CD33: variants seen among roughly 807,000 people sequenced by gnomAD.
CD33 encodes the protein myeloid cell surface antigen CD33.
CD33 carries 25 observed loss-of-function variants against 31.4 expected under a neutral mutation model. The ratio of observed to expected loss-of-function variants is 0.80; its 90% CI spans 0.58 to 1.11. The LOEUF is 1.11. Ranked by LOEUF, CD33 falls within the 50% of genes most tolerant of loss-of-function variation. CD33 has a pLI of 0.00. For missense variants in CD33, 407 were observed against 448.1 expected (o/e 0.91, Z 0.83); for synonymous variants, 176 against 180.6 (o/e 0.97, Z 0.20).
chr19:51,215,317 G>C, the CD33 span, among the ~76,000 whole-genome samples: 1 of 152,128 alleles, frequency 6.6e-6, no homozygotes, highest in Non-Finnish European at 1.5e-5. Flanking sequence ...CAAATGCCAG[G>C]GTGGAGAGGT....
intron 6 of CD33, chr19:51,236,034 T>G (rs1981779727): frequency 3.6e-6 from 2 of 556,244 alleles, no homozygotes; most frequent in Admixed American, 5.6e-5. Flanking sequence ...GGCTGGCGCC[T>G]GTAGTCCCAG....
intron 2 of CD33, 102 bp downstream of exon 2, chr19:51,225,700 C>T (rs1599866331): frequency 1.3e-6 from 2 of 1,538,072 alleles, no homozygotes; most frequent in African/African-American, 1.4e-5. Context: ...AGGGGTAAAG[C>T]CTGTCGTGCT....
chr19:51,212,069 C>A, the CD33 span: 1 of 744,536 alleles, frequency 1.3e-6, no homozygotes. Context: ...TCAGTGTCTC[C>A]TGTGAGTGCT....
At chr19:51,226,833 A>C (rs779566379) in intron 4 of CD33, among the ~76,000 whole-genome samples, 3 of 151,588 alleles carry the variant, frequency 2.0e-5, no homozygotes, top group Admixed American at 6.6e-5. Flanking sequence ...TCCAGGTGTA[A>C]TCTAGTATCC....
Position 51,225,552 on chromosome 19 carries a change from T to C in CD33, c.372T>C (p.Ser124=), listed in dbSNP as rs1226578290. The C allele has an allele frequency of 1.3e-6, 2 of 1,584,142 alleles. No individual in the cohort carries two copies. Reference sequence around the variant, plus strand: ...ACTTCTTTCGGATGGAGAGAGGAAGTACCAAATACAGTTACAAATCTCCCC... The same window carrying C: ...ACTTCTTTCGGATGGAGAGAGGAAGCACCAAATACAGTTACAAATCTCCCC... The part of the protein sequence containing the change: ...GSYFFRMERG[S]TKYSYKSPQL... Residue 124 remains serine (S), a synonymous_variant, in exon 2 of 7, where the codon AGT becomes AGC. Coordinates refer to ENST00000262262, the MANE Select transcript of CD33 (RefSeq NM_001772.4).
the CD33 span, among the ~76,000 whole-genome samples, chr19:51,217,302 T>C: frequency 1.3e-5 from 2 of 152,144 alleles, no homozygotes; most frequent in Non-Finnish European, 2.9e-5. Context: ...ATGGATATAG[T>C]CATTGAGGGG....
chr19:51,224,121 A>G (rs1980821347), upstream of CD33, among the ~76,000 whole-genome samples: 1 of 152,148 alleles, frequency 6.6e-6, no homozygotes, highest in African/African-American at 2.4e-5. Context: ...TCAGAGGCAC[A>G]CTCTCTTACA....
chr19:51,220,624 A>G (rs1980642500), upstream of CD33, among the ~76,000 whole-genome samples: 1 of 152,194 alleles, frequency 6.6e-6, no homozygotes, highest in Non-Finnish European at 1.5e-5. Context: ...ACTGGTCAAG[A>G]TCATTAATTT....
chr19:51,229,322 A>G (rs924051843), intron 4 of CD33, among the ~76,000 whole-genome samples: 5 of 152,084 alleles, frequency 3.3e-5, no homozygotes, highest in African/African-American at 1.2e-4. Context: ...TTTTGCATCT[A>G]TGTTCATCAG....
At position 51,234,539 on chromosome 19, in the gene CD33, G is replaced by A. The variant is rs138585047; in HGVS notation, c.746-618G>A. On this transcript the variant is annotated intron_variant, in intron 4 of 6. Coordinates refer to ENST00000262262, the MANE Select transcript of CD33 (RefSeq NM_001772.4). Reference sequence around the variant, plus strand: ...AATAATGGCATCTGGCACCTCAGTGGACAGTGAGCCCAGTGAGAGCAGGAA... The same window carrying A: ...AATAATGGCATCTGGCACCTCAGTGAACAGTGAGCCCAGTGAGAGCAGGAA... Among the ~76,000 whole-genome samples, 714 of 152,222 alleles carry A rather than the reference G, an allele frequency of 4.7e-3. 2 individuals carry two copies. Among genetic ancestry groups the A allele is most frequent in the Non-Finnish European group, 6.5e-3 (439 of 68,012 alleles).
chr19:51,222,834 C>A (rs574815459), upstream of CD33, among the ~76,000 whole-genome samples: 1 of 152,238 alleles, frequency 6.6e-6, no homozygotes, highest in South Asian at 2.1e-4. Context: ...TAAATTATAC[C>A]TAATTAAATT....
rs1980899385 is a variant in CD33 at position 51,225,199 on chromosome 19, G to A, written c.38-19G>A. On this transcript the variant is annotated intron_variant, in intron 1 of 6. Transcript: ENST00000262262. ...AGGGGTTGTCGGGCTGGGCCGAGCT[G>A]ACCCTCGTTTCCCCACAGGGGCCCT... The A allele has an allele frequency of 1.2e-6, 2 of 1,613,294 alleles. No individual in the cohort carries two copies. Among genetic ancestry groups the A allele is most frequent in the Non-Finnish European group, 1.7e-6 (2 of 1,179,548 alleles).
the CD33 span, among the ~76,000 whole-genome samples, chr19:51,213,865 C>CTT: frequency 8.9e-5 from 10 of 112,708 alleles, no homozygotes; most frequent in Admixed American, 5.7e-4. Flanking sequence ...TTTTTTTTTC[C>CTT]TTTTTTTTTT....
rs757876553 is a variant in CD33 at position 51,225,864 on chromosome 19, C to T, written c.480C>T (p.Asn160=). 7 of 1,614,122 alleles carry T rather than the reference C, an allele frequency of 4.3e-6. No homozygotes were observed. The highest frequency in any genetic ancestry group is 5.9e-6 in the Non-Finnish European group (7 of 1,180,016). ...CTCTAGAACCCGGCCACTCCAAAAA[C>T]CTGACCTGCTCTGTGTCCTGGGCCT... ...PGTLEPGHSK[N]LTCSVSWACE... is the part of the protein sequence containing the mutation. Residue 160 remains asparagine, a synonymous_variant, in exon 3 of 7, where the codon AAC becomes AAT. Transcript: ENST00000262262.
upstream of CD33, among the ~76,000 whole-genome samples, chr19:51,221,620 C>T (rs1050631427): frequency 3.9e-5 from 6 of 152,138 alleles, no homozygotes; most frequent in Admixed American, 3.9e-4. Flanking sequence ...TGAACACTTA[C>T]CATAGGACCA....
chr19:51,225,388 G>C lies in CD33; in HGVS notation c.208G>C (p.Asp70His). Residue 70 changes from aspartate to histidine, a missense_variant, in exon 2 of 7, where the codon GAC becomes CAC. Asp to His is a moderately conservative substitution (Grantham distance 81, BLOSUM62 -1). Transcript: ENST00000262262. ...CCGGGAAGGAGCCATTATATCCAGGGACTCTCCAGTGGCCACAAACAAGCT... is the reference window on the plus strand; with the variant it reads ...CCGGGAAGGAGCCATTATATCCAGGCACTCTCCAGTGGCCACAAACAAGCT... ...WFREGAIISR[D>H]SPVATNKLDQ... The C allele has an allele frequency of 6.2e-7, 1 of 1,614,182 alleles. No homozygotes were observed. Among genetic ancestry groups the C allele is most frequent in the South Asian group, 1.1e-5 (1 of 91,084 alleles).
At chr19:51,235,854 G>A (rs2123304081) in intron 6 of CD33, 178 bp downstream of exon 6, 2 of 718,788 alleles carry the variant, frequency 2.8e-6, no homozygotes, top group Non-Finnish European at 5.1e-6. Context: ...AGGAGATGAT[G>A]GCCATTGAAA....
rs757860754 is a variant in CD33, at chr19:51,226,050, T to G, written c.666T>G (p.Thr222=). 27 of 1,613,954 alleles carry G rather than the reference T, an allele frequency of 1.7e-5. No individual in the cohort carries two copies. In the East Asian group the frequency reaches 2.0e-4, roughly 12 times the overall value. ...CQVKFAGAGV[T]TERTIQLNVT... is the part of the protein sequence containing the mutation. ...TGAAGTTCGCTGGAGCTGGTGTGAC[T>G]ACGGAGAGAACCATCCAGCTCAACG... Residue 222 remains threonine (T), a synonymous_variant, in exon 3 of 7, where the codon ACT becomes ACG. Coordinates refer to ENST00000262262, the MANE Select transcript of CD33 (RefSeq NM_001772.4).
Position 51,235,636 on chromosome 19 carries a change from G to A in CD33, c.884G>A (p.Gly295Asp), listed in dbSNP as rs769327558. The A allele has an allele frequency of 6.2e-7, 1 of 1,614,010 alleles. No homozygotes were observed. The highest frequency in any genetic ancestry group is 1.7e-5 in the Admixed American group (1 of 60,008). Residue 295 changes from glycine (G) to aspartate (D), a missense_variant, in exon 6 of 7, where the codon GGC becomes GAC. Coordinates refer to ENST00000262262, the MANE Select transcript of CD33 (RefSeq NM_001772.4). ...HRRKAARTAV[G>D]RNDTHPTTGS... Reference sequence around the variant, plus strand: ...AGGAAAGCAGCCAGGACAGCAGTGGGCAGGAATGACACCCACCCTACCACA... The same window carrying A: ...AGGAAAGCAGCCAGGACAGCAGTGGACAGGAATGACACCCACCCTACCACA...
Sources: allele counts gnomAD v4.1 joint callset (sites outside exome capture counted in the v4.1 genomes callset), GRCh38; gene constraint gnomAD v4.1.1; transcripts MANE v1.5; gene names NCBI Gene and HGNC (gene_info 2026-07-23, HGNC 2026-07-21).